Variants in ZCCHC7 observed in about 807,000 individuals in gnomAD.
ZCCHC7 encodes zinc finger CCHC-type containing 7, also known as zinc finger CCHC domain-containing protein 7.
Under a neutral mutation model 52.0 loss-of-function variants are expected in ZCCHC7, and 35 were observed. The observed-to-expected ratio is 0.67, with a 90% CI of 0.51 to 0.89. ZCCHC7 has a LOEUF of 0.89. Ranked by LOEUF, ZCCHC7 falls within the 40% of genes least tolerant of loss-of-function variation. The pLI is 0.00. For synonymous variants in ZCCHC7, 217 were observed against 221.5 expected (o/e 0.98, Z 0.18); for missense variants, 574 against 649.1 (o/e 0.88, Z 1.26).
intron 2 of ZCCHC7, among the ~76,000 whole-genome samples, chr9:37,226,876 A>G (rs1392102847): frequency 6.6e-6 from 1 of 152,076 alleles, no homozygotes; most frequent in Admixed American, 6.6e-5. Flanking sequence ...TAAAAATCCA[A>G]AAATTAGCTG....
At chr9:37,138,061 C>A (rs958066125) in intron 2 of ZCCHC7, among the ~76,000 whole-genome samples, 7 of 152,156 alleles carry the variant, frequency 4.6e-5, no homozygotes, top group Non-Finnish European at 1.0e-4. Context: ...CTTTTGTAAG[C>A]CTGTACTGCA....
At chr9:37,280,963 A>G (rs1348441296) in intron 2 of ZCCHC7, among the ~76,000 whole-genome samples, 2 of 152,208 alleles carry the variant, frequency 1.3e-5, no homozygotes, top group African/African-American at 2.4e-5. Context: ...GATGTAATAC[A>G]TATGGCAACT....
chr9:37,158,830 G>A (rs1285800662), intron 2 of ZCCHC7, among the ~76,000 whole-genome samples: 1 of 152,058 alleles, frequency 6.6e-6, no homozygotes, highest in Non-Finnish European at 1.5e-5. Context: ...TTTGCAAGTG[G>A]CATAAAAAAA....
At chr9:37,151,156 C>T (rs1006934414) in intron 2 of ZCCHC7, among the ~76,000 whole-genome samples, 43 of 151,856 alleles carry the variant, frequency 2.8e-4, no homozygotes, top group African/African-American at 9.4e-4. Flanking sequence ...TTAGCAGAGA[C>T]GGGGTTTCAC....
rs538562377 is a variant in ZCCHC7 at position 37,256,819 on chromosome 9, A to G, written c.611-45369A>G. The stretch of plus-strand genomic sequence containing the variant: ...AACTATCACCTGTTAATTTTGGCCT[A>G]GTGTAAAAGAACAGTTTCCATAGGT... On this transcript the variant is annotated intron_variant, in intron 2 of 8. Coordinates refer to ENST00000336755, the MANE Select transcript of ZCCHC7 (RefSeq NM_032226.3). 2.6e-5 allele frequency among the ~76,000 whole-genome samples: 4 copies of G among 152,302 alleles called. No homozygotes were observed. The South Asian group carries it at 8.3e-4, about 32-fold the overall frequency.
chr9:37,203,471 C>T (rs1588474596), intron 2 of ZCCHC7, among the ~76,000 whole-genome samples: 1 of 152,018 alleles, frequency 6.6e-6, no homozygotes, highest in Non-Finnish European at 1.5e-5. Flanking sequence ...TCTCCCCTTG[C>T]CCCTGCCCAG....
intron 2 of ZCCHC7, among the ~76,000 whole-genome samples, chr9:37,264,600 C>T (rs1010881436): frequency 6.6e-6 from 1 of 152,176 alleles, no homozygotes; most frequent in Non-Finnish European, 1.5e-5. Context: ...CCTAACTTAA[C>T]TTCAGATTGC....
intron 2 of ZCCHC7, among the ~76,000 whole-genome samples, chr9:37,283,421 C>T (rs1005863331): frequency 6.6e-6 from 1 of 152,126 alleles, no homozygotes; most frequent in African/African-American, 2.4e-5. Context: ...TCAAGTACTC[C>T]TATTGTTTGA....
intron 2 of ZCCHC7, among the ~76,000 whole-genome samples, chr9:37,146,531 G>T (rs944671883): frequency 6.6e-6 from 1 of 151,704 alleles, no homozygotes; most frequent in Admixed American, 6.6e-5. Flanking sequence ...TCCCACCCTC[G>T]TTTTAAAAAC....
intron 2 of ZCCHC7, among the ~76,000 whole-genome samples, chr9:37,169,823 T>C (rs1821631426): frequency 6.6e-6 from 1 of 152,126 alleles, no homozygotes; most frequent in African/African-American, 2.4e-5. Context: ...CCCAGCACAT[T>C]TTGAGGCCAA....
At chr9:37,355,580 A>T (rs986536451) in intron 8 of ZCCHC7, among the ~76,000 whole-genome samples, 2 of 152,228 alleles carry the variant, frequency 1.3e-5, no homozygotes, top group African/African-American at 4.8e-5. Context: ...CATATTTTAC[A>T]TATTTAATAT....
chr9:37,207,674 G>A (rs1044089047), intron 2 of ZCCHC7, among the ~76,000 whole-genome samples: 3 of 151,060 alleles, frequency 2.0e-5, no homozygotes, highest in African/African-American at 7.3e-5. Flanking sequence ...TTGTCGGATC[G>A]GATAATTTTT....
chr9:37,242,802 T>C (rs1825929295), intron 2 of ZCCHC7, among the ~76,000 whole-genome samples: 1 of 151,868 alleles, frequency 6.6e-6, no homozygotes. Flanking sequence ...AGAATTGCTT[T>C]TAAATTAAAA....
At chr9:37,287,686 CA>C (rs966509669) in intron 2 of ZCCHC7, among the ~76,000 whole-genome samples, 10 of 152,012 alleles carry the variant, frequency 6.6e-5, no homozygotes, top group Non-Finnish European at 1.3e-4. Flanking sequence ...TTTTTACACA[CA>C]AAAAAGTACC....
intron 2 of ZCCHC7, among the ~76,000 whole-genome samples, chr9:37,164,952 C>T (rs1031602336): frequency 1.3e-5 from 2 of 152,168 alleles, no homozygotes; most frequent in South Asian, 4.1e-4. Flanking sequence ...ATCTGTATAT[C>T]CATTGAGAAT....
At chr9:37,176,182 T>C (rs1822017663) in intron 2 of ZCCHC7, among the ~76,000 whole-genome samples, 1 of 152,160 alleles carries the variant, frequency 6.6e-6, no homozygotes, top group Non-Finnish European at 1.5e-5. Context: ...CATGCCATTC[T>C]CCTGCCTCAG....
intron 6 of ZCCHC7, among the ~76,000 whole-genome samples, chr9:37,337,571 C>A (rs1359507590): frequency 6.6e-6 from 1 of 152,068 alleles, no homozygotes; most frequent in African/African-American, 2.4e-5. Context: ...ATTTGAATTA[C>A]AAAAGAAGAA....
At position 37,339,462 on chromosome 9, in the gene ZCCHC7, G is replaced by A. The variant is rs569100872; in HGVS notation, c.988-9895G>A. 2.6e-5 allele frequency among the ~76,000 whole-genome samples: 4 copies of A among 152,250 alleles called. No individual in the cohort carries two copies. In the East Asian group the frequency reaches 7.7e-4, roughly 29 times the overall value. On this transcript the variant is annotated intron_variant, in intron 6 of 8. Coordinates refer to ENST00000336755, the MANE Select transcript of ZCCHC7 (RefSeq NM_032226.3). ...GTCTCACAGCCTCTGCTTTGGTTCA[G>A]TTCACTATAAAACAGTTTGCCTAAC... is the stretch of plus-strand genomic sequence containing the variant.
intron 2 of ZCCHC7, among the ~76,000 whole-genome samples, chr9:37,256,283 A>G (rs1341189124): frequency 2.0e-5 from 3 of 152,158 alleles, no homozygotes; most frequent in Admixed American, 2.0e-4. Context: ...ACAGCCTACA[A>G]TGGTAGTTCT....
Sources: allele counts gnomAD v4.1 joint callset (sites outside exome capture counted in the v4.1 genomes callset), GRCh38; gene constraint gnomAD v4.1.1; transcripts MANE v1.5; gene names NCBI Gene and HGNC (gene_info 2026-07-23, HGNC 2026-07-21).